Variants in KLHDC2 observed in about 807,000 individuals in gnomAD.
KLHDC2 encodes kelch domain-containing protein 2.
KLHDC2 carries 38 observed loss-of-function variants against 62.3 expected under a neutral mutation model. That is an observed-to-expected ratio of 0.61 (90% CI 0.47 to 0.80). KLHDC2 has a LOEUF of 0.80. Ranked by LOEUF, KLHDC2 falls within the 30% of genes least tolerant of loss-of-function variation. The probability of loss-of-function intolerance (pLI) is 0.00; values close to 1 mark genes in which losing one functional copy is unlikely to be tolerated. For synonymous variants in KLHDC2, 159 were observed against 161.0 expected, an observed-to-expected ratio of 0.99 and a Z score of 0.09; for missense variants, 430 against 495.3, an observed-to-expected ratio of 0.87 and a Z score of 1.25.
chr14:49,782,147 T>G (rs1365492171), intron 10 of KLHDC2: 41 of 502,992 alleles, frequency 8.2e-5, no homozygotes. Flanking sequence ...AACTCCTCAT[T>G]GCATAAATGA....
rs778335126 is a variant in KLHDC2, at chr14:49,782,390, C to G, written c.977C>G (p.Ala326Gly). The G allele has an allele frequency of 1.2e-6, 2 of 1,612,246 alleles. No individual in the cohort carries two copies. The highest frequency in any genetic ancestry group is 1.7e-6 in the Non-Finnish European group (2 of 1,178,670). The change falls in exon 11 of 13, where the codon GCC (alanine) becomes GGC (glycine). Residue 326 changes from alanine (A) to glycine (G), a missense_variant. Ala to Gly is a moderately conservative substitution (Grantham distance 60). Coordinates refer to ENST00000298307, the MANE Select transcript of KLHDC2 (RefSeq NM_014315.3). ...TGCAGGTTATGGCACACAGCTTGTG[C>G]CAGCGATGAAGGAGAAGTAATTGTT... ...EKPRLWHTACASDEGEVIVFG... is the reference protein window; with the variant it reads ...EKPRLWHTACGSDEGEVIVFG...
At chr14:49,774,970 C>A in intron 3 of KLHDC2, 1 of 289,020 alleles carries the variant, frequency 3.5e-6, no homozygotes, top group Admixed American at 5.1e-5. Flanking sequence ...GTTAGATGAA[C>A]ATTAGTAATA....
Position 49,785,296 on chromosome 14 carries a change from C to T in KLHDC2, c.*2343C>T, listed in dbSNP as rs761925992. On this transcript the variant is annotated 3_prime_UTR_variant, in exon 13 of 13. Coordinates refer to ENST00000298307, the MANE Select transcript of KLHDC2 (RefSeq NM_014315.3). ...AGTACATCTTCAGGATGTGGCTGGC[C>T]TGTCAAAGAATCAAATAGGTTTTCC... 7.4e-6 allele frequency: 12 copies of T among 1,613,702 alleles called. No homozygotes were observed. The highest frequency in any genetic ancestry group is 1.0e-5 in the Non-Finnish European group (12 of 1,179,788).
chr14:49,770,525 C>T (rs1159255131), intron 1 of KLHDC2, among the ~76,000 whole-genome samples: 1 of 152,162 alleles, frequency 6.6e-6, no homozygotes, highest in Non-Finnish European at 1.5e-5. Flanking sequence ...CAGTCGTTTA[C>T]TGTGTCAACA....
intron 10 of KLHDC2, among the ~76,000 whole-genome samples, 172 bp downstream of exon 10, chr14:49,780,947 C>T (rs1162559963): frequency 3.3e-5 from 5 of 152,194 alleles, no homozygotes; most frequent in Non-Finnish European, 5.9e-5. Flanking sequence ...ATCTCCTTTC[C>T]GTCATCTGTG....
At chr14:49,778,561 G>GT in intron 6 of KLHDC2, 67 bp downstream of exon 6, 2 of 297,526 alleles carry the variant, frequency 6.7e-6, no homozygotes, top group Non-Finnish European at 1.4e-5. Context: ...TGGGGTAGGG[G>GT]AGAGGGGTGC....
intron 8 of KLHDC2, 149 bp from the exon 9 acceptor site, chr14:49,780,064 C>T (rs1889856383): frequency 3.2e-6 from 2 of 628,196 alleles, no homozygotes; most frequent in Non-Finnish European, 5.5e-6. Flanking sequence ...GAAAATATTT[C>T]AGTATAAAGC....
At chr14:49,769,547 C>G (rs944372247) in intron 1 of KLHDC2, among the ~76,000 whole-genome samples, 1 of 152,204 alleles carries the variant, frequency 6.6e-6, no homozygotes, top group Non-Finnish European at 1.5e-5. Context: ...AGATGGCTGT[C>G]CTGATACTTT....
At chr14:49,775,948 A>T (rs1016827223) in intron 3 of KLHDC2, among the ~76,000 whole-genome samples, 3 of 152,080 alleles carry the variant, frequency 2.0e-5, no homozygotes, top group Non-Finnish European at 4.4e-5. Context: ...AATTATGGAA[A>T]TTCCAAGTGG....
At position 49,784,790 on chromosome 14, in the gene KLHDC2, C is replaced by T. The variant is rs1890082254; in HGVS notation, c.*1837C>T. 1.4e-6 allele frequency: 2 copies of T among 1,456,242 alleles called. No homozygotes were observed. Among genetic ancestry groups the T allele is most frequent in the African/African-American group, 1.4e-5 (1 of 71,048 alleles). 90.2% of individuals were successfully genotyped at this position (1,456,242 alleles called of 1,614,324 possible). A position where few individuals can be genotyped will look rare whatever the true frequency, so the allele number is the denominator to read the frequency against. ...TTTCTTTTATGACAAAAACGAAAAA[C>T]ATTTCCAAACTTTTAGCTGAGATGG... On this transcript the variant is annotated 3_prime_UTR_variant, in exon 13 of 13. Coordinates refer to ENST00000298307, the MANE Select transcript of KLHDC2 (RefSeq NM_014315.3).
chr14:49,776,930 G>A (rs199778317), intron 3 of KLHDC2, among the ~76,000 whole-genome samples: 8 of 22,730 alleles, frequency 3.5e-4, no homozygotes, highest in Non-Finnish European at 6.2e-4. Flanking sequence ...CAAAAAAAAA[G>A]AAATATATAT....
Position 49,782,594 on chromosome 14 carries a change from G to A in KLHDC2, c.1097G>A (p.Arg366Gln), listed in dbSNP as rs201773460. ...IFSVQPKSLVRLSLEAVICFK... is the reference protein window; with the variant it reads ...IFSVQPKSLVQLSLEAVICFK... The stretch of plus-strand genomic sequence containing the variant: ...TCAGTTCAACCAAAATCTCTTGTAC[G>A]GTAAGTAACTTTGTACTTGGCACTT... Residue 366 changes from arginine (R) to glutamine (Q), a missense_variant and splice_region_variant, in exon 12 of 13, where the codon CGG (arginine) becomes CAG (glutamine). By Grantham distance (43) the Arg-to-Gln change is conservative. Transcript: ENST00000298307. 21 of 1,599,042 alleles carry A rather than the reference G, an allele frequency of 1.3e-5. No individual in the cohort carries two copies. The highest frequency in any genetic ancestry group is 1.1e-5 in the South Asian group (1 of 89,630).
In KLHDC2 at chr14:49,768,463, C is replaced by G; in HGVS notation, c.-6C>G. On this transcript the variant is annotated 5_prime_UTR_variant, in exon 1 of 13. Coordinates refer to ENST00000298307, the MANE Select transcript of KLHDC2 (RefSeq NM_014315.3). The stretch of plus-strand genomic sequence containing the variant: ...CATTGTTGGTTAGCAAAAGTGCAGC[C>G]TCAAGATGGCTGATGGCAACGAGGA... 3 of 1,608,260 alleles carry G rather than the reference C, an allele frequency of 1.9e-6. No homozygotes were observed. The highest frequency in any genetic ancestry group is 1.7e-6 in the Non-Finnish European group (2 of 1,177,966).
intron 3 of KLHDC2, among the ~76,000 whole-genome samples, chr14:49,776,660 T>C (rs1031528529): frequency 6.6e-6 from 1 of 152,148 alleles, no homozygotes; most frequent in Non-Finnish European, 1.5e-5. Flanking sequence ...AGCTTATGCT[T>C]ATAATCCCAG....
chr14:49,780,960 T>C (rs1251719443), intron 10 of KLHDC2, among the ~76,000 whole-genome samples, 185 bp downstream of exon 10: 3 of 152,252 alleles, frequency 2.0e-5, no homozygotes, highest in Non-Finnish European at 4.4e-5. Flanking sequence ...CATCTGTGCA[T>C]GAAGAGTAGG....
intron 10 of KLHDC2, among the ~76,000 whole-genome samples, chr14:49,780,991 TCTTC>T (rs1288888900): frequency 1.3e-5 from 2 of 152,246 alleles, no homozygotes; most frequent in African/African-American, 4.8e-5. Flanking sequence ...TATTTTTGCT[TCTTC>T]CTTCTGTTAT....
chr14:49,777,759 A>C, intron 3 of KLHDC2, 80 bp from the exon 4 acceptor site: 1 of 781,482 alleles, frequency 1.3e-6, no homozygotes, highest in Non-Finnish European at 2.1e-6. Context: ...CACTCTTATC[A>C]TAAATCATAG....
At chr14:49,777,575 G>A (rs985951005) in intron 3 of KLHDC2, among the ~76,000 whole-genome samples, 2 of 147,866 alleles carry the variant, frequency 1.4e-5, no homozygotes, top group African/African-American at 5.0e-5. Flanking sequence ...CCTGGCAAGA[G>A]AGACCCTGTC....
At chr14:49,781,823 C>T (rs1889917292) in intron 10 of KLHDC2, among the ~76,000 whole-genome samples, 1 of 152,180 alleles carries the variant, frequency 6.6e-6, no homozygotes, top group Non-Finnish European at 1.5e-5. Flanking sequence ...ATAATTTTCT[C>T]TTGTTAATCT....
Sources: allele counts gnomAD v4.1 joint callset (sites outside exome capture counted in the v4.1 genomes callset), GRCh38; gene constraint gnomAD v4.1.1; transcripts MANE v1.5; gene names NCBI Gene and HGNC (gene_info 2026-07-23, HGNC 2026-07-21).